TULP4: variants seen among roughly 807,000 people sequenced by gnomAD.
TULP4 encodes tubby-related protein 4.
A neutral mutation model predicts 129.0 loss-of-function variants in TULP4; 16 were observed. The observed-to-expected ratio is 0.12, with a 90% CI of 0.08 to 0.19. The LOEUF (loss-of-function observed/expected upper bound fraction) is 0.19, where lower values mean the gene tolerates loss of function less well. TULP4 is among the 10% of genes least tolerant of loss of function. TULP4 has a pLI of 1.00. For synonymous variants in TULP4, 998 were observed against 854.0 expected (o/e 1.17, Z -2.94); for missense variants, 1,842 against 2,059.1 (o/e 0.89, Z 2.04).
At chr6:158,340,027 G>A (rs1159971543) in intron 1 of TULP4, among the ~76,000 whole-genome samples, 5 of 152,204 alleles carry the variant, frequency 3.3e-5, no homozygotes, top group African/African-American at 9.7e-5. Context: ...GCAACAGGCC[G>A]TGGAGCTCAG....
chr6:158,237,596 A>G, intron 1 of TULP4: 2 of 1,497,102 alleles, frequency 1.3e-6, no homozygotes, highest in South Asian at 1.1e-5. Context: ...CTTCCCTGGT[A>G]GAAAGAACAT....
At chr6:158,390,664 C>G (rs1426508986) in intron 1 of TULP4, among the ~76,000 whole-genome samples, 1 of 152,126 alleles carries the variant, frequency 6.6e-6, no homozygotes, top group South Asian at 2.1e-4. Context: ...CGAACGAAGC[C>G]TGTGTACCAA....
intron 11 of TULP4, among the ~76,000 whole-genome samples, chr6:158,495,860 T>C (rs1018370670): frequency 6.6e-6 from 1 of 151,256 alleles, no homozygotes; most frequent in African/African-American, 2.4e-5. Context: ...AAAAAAAGAT[T>C]AGCTGACTAT....
chr6:158,444,071 T>G (rs993005878), intron 3 of TULP4, among the ~76,000 whole-genome samples: 38 of 151,672 alleles, frequency 2.5e-4, no homozygotes, highest in Middle Eastern at 3.4e-3. Context: ...ATACAAAAAA[T>G]TAGCCTGGCG....
chr6:158,398,158 A>G (rs1777760192), intron 1 of TULP4, among the ~76,000 whole-genome samples: 1 of 152,192 alleles, frequency 6.6e-6, no homozygotes, highest in African/African-American at 2.4e-5. Flanking sequence ...TCCCATAGAC[A>G]CTAGCAGTGC....
At chr6:158,249,987 T>A (rs937636279) in intron 1 of TULP4, among the ~76,000 whole-genome samples, 1 of 152,252 alleles carries the variant, frequency 6.6e-6, no homozygotes, top group South Asian at 2.1e-4. Context: ...TGCTTCTTTT[T>A]TTGAGACGGA....
At chr6:158,481,699 C>T (rs534952504) in intron 8 of TULP4, among the ~76,000 whole-genome samples, 31 of 152,152 alleles carry the variant, frequency 2.0e-4, no homozygotes, top group Non-Finnish European at 4.1e-4. Flanking sequence ...TGAAATCAAA[C>T]CTTCAGCCTC....
At chr6:158,421,460 A>G (rs1421388923) in intron 2 of TULP4, among the ~76,000 whole-genome samples, 3 of 152,132 alleles carry the variant, frequency 2.0e-5, no homozygotes, top group Admixed American at 1.3e-4. Context: ...AATATTTTCT[A>G]GTTGACAATT....
intron 3 of TULP4, among the ~76,000 whole-genome samples, chr6:158,432,053 G>A (rs986197920): frequency 6.9e-6 from 1 of 144,330 alleles, no homozygotes; most frequent in Admixed American, 7.2e-5. Context: ...GAGCCCAGGA[G>A]TTCTCGAGAC....
At chr6:158,321,844 A>T (rs1425580876) in intron 1 of TULP4, among the ~76,000 whole-genome samples, 2 of 152,220 alleles carry the variant, frequency 1.3e-5, no homozygotes, top group Non-Finnish European at 2.9e-5. Context: ...ATATTATAAA[A>T]ATTTACTTCT....
intron 1 of TULP4, among the ~76,000 whole-genome samples, chr6:158,247,828 T>C (rs966408558): frequency 6.6e-6 from 1 of 152,234 alleles, no homozygotes; most frequent in Non-Finnish European, 1.5e-5. Context: ...GAGCTGTTAG[T>C]GCCGGGGCAG....
At chr6:158,478,949 A>G (rs751528782) in intron 6 of TULP4, among the ~76,000 whole-genome samples, 5 of 152,074 alleles carry the variant, frequency 3.3e-5, no homozygotes, top group Non-Finnish European at 7.4e-5. Flanking sequence ...CTTTCCCTGC[A>G]CCGTCAGTGC....
rs1779898667 is a variant in TULP4 at position 158,479,821 on chromosome 6, A to G, written c.1097A>G (p.Tyr366Cys). The change falls in exon 7 of 14, where the codon TAC (tyrosine) becomes TGC (cysteine). Residue 366 changes from tyrosine (Y) to cysteine (C), a missense_variant. Tyr to Cys is a radical substitution (Grantham distance 194). Around this residue, in one of 5 missense-constraint regions of TULP4, gnomAD observed 456 missense variants for 534.3 expected, o/e 0.85. Coordinates refer to ENST00000367097, the MANE Select transcript of TULP4 (RefSeq NM_020245.5). ...TTGATGGCATCAGGACCAGCCCTGT[A>G]CGTGGTGCGTGTGGAGCACCGGGTG... ...RLLMASGPAL[Y>C]VVRVEHRVSS... 1 of 1,614,126 alleles carries G rather than the reference A, an allele frequency of 6.2e-7. No individual in the cohort carries two copies.
chr6:158,454,865 C>G (rs554560811), intron 5 of TULP4, among the ~76,000 whole-genome samples: 1 of 152,006 alleles, frequency 6.6e-6, no homozygotes, highest in Admixed American at 6.6e-5. Context: ...CTGGGCCTCC[C>G]GAAGTGCTGG....
At chr6:158,281,440 T>A (rs1164508985), upstream of TULP4, among the ~76,000 whole-genome samples, 1 of 151,984 alleles carries the variant, frequency 6.6e-6, no homozygotes, top group East Asian at 1.9e-4. Flanking sequence ...TCACCTTAGT[T>A]TTTATTTATT....
At chr6:158,399,533 A>C (rs1347542508) in intron 1 of TULP4, among the ~76,000 whole-genome samples, 2 of 152,260 alleles carry the variant, frequency 1.3e-5, no homozygotes, top group African/African-American at 4.8e-5. Flanking sequence ...CACTTGAGTT[A>C]GAATCAGTGA....
At chr6:158,250,999 G>T (rs907219989) in intron 1 of TULP4, among the ~76,000 whole-genome samples, 11 of 152,026 alleles carry the variant, frequency 7.2e-5, no homozygotes, top group Non-Finnish European at 2.9e-5. Flanking sequence ...AATTGGTTTC[G>T]CTCCTTTGGT....
intron 6 of TULP4, among the ~76,000 whole-genome samples, chr6:158,475,302 T>C (rs996794842): frequency 6.6e-6 from 1 of 152,246 alleles, no homozygotes; most frequent in Non-Finnish European, 1.5e-5. Context: ...CCTTTCCAGC[T>C]GAGCAGTGGT....
chr6:158,484,659 G>A (rs143188639), intron 8 of TULP4, among the ~76,000 whole-genome samples: 5 of 152,292 alleles, frequency 3.3e-5, no homozygotes, highest in South Asian at 2.1e-4. Flanking sequence ...CACCACGCAC[G>A]TGCACCAAGG....
Sources: allele counts gnomAD v4.1 joint callset (sites outside exome capture counted in the v4.1 genomes callset), GRCh38; gene constraint gnomAD v4.1.1; regional missense constraint gnomAD v4.1.1; transcripts MANE v1.5; gene names NCBI Gene and HGNC (gene_info 2026-07-23, HGNC 2026-07-21).